Variants in CSMD3 observed in about 807,000 individuals in gnomAD.
CSMD3 encodes the protein CUB and sushi domain-containing protein 3.
CSMD3 carries 177 observed loss-of-function variants against 435.2 expected under a neutral mutation model. The observed-to-expected ratio is 0.41, with a 90% CI of 0.36 to 0.46. The LOEUF (loss-of-function observed/expected upper bound fraction) is 0.46, where lower values mean the gene tolerates loss of function less well. Ranked by LOEUF, CSMD3 falls within the 20% of genes least tolerant of loss-of-function variation. The probability of loss-of-function intolerance (pLI) is 0.34; values close to 1 mark genes in which losing one functional copy is unlikely to be tolerated. For missense variants in CSMD3, 4,265 were observed against 4,504.6 expected (o/e 0.95, Z 1.52); for synonymous variants, 1,656 against 1,520.5 (o/e 1.09, Z -2.07).
intron 69 of CSMD3, among the ~76,000 whole-genome samples, chr8:112,229,436 T>C (rs11782163): frequency 6.6e-6 from 1 of 152,110 alleles, no homozygotes; most frequent in Admixed American, 6.5e-5. Context: ...TTTCTTTTTT[T>C]CTTTTTTCTT....
At chr8:113,068,793 T>C (rs1167966064) in intron 5 of CSMD3, among the ~76,000 whole-genome samples, 1 of 152,120 alleles carries the variant, frequency 6.6e-6, no homozygotes, top group Non-Finnish European at 1.5e-5. Context: ...TGTGTTGATG[T>C]TCTTGCTATT....
chr8:112,798,437 C>A (rs2078879606), intron 13 of CSMD3, among the ~76,000 whole-genome samples: 1 of 151,632 alleles, frequency 6.6e-6, no homozygotes, highest in Admixed American at 6.6e-5. Flanking sequence ...TAATGTGCAG[C>A]AGGTTGGACT....
At chr8:112,395,862 T>C (rs1586184369) in intron 35 of CSMD3, among the ~76,000 whole-genome samples, 2 of 152,314 alleles carry the variant, frequency 1.3e-5, no homozygotes, top group East Asian at 3.9e-4. Context: ...AGTTTTATTT[T>C]TCAGTTTTTC....
chr8:113,081,566 C>T (rs917730510), intron 5 of CSMD3, among the ~76,000 whole-genome samples: 4 of 152,078 alleles, frequency 2.6e-5, no homozygotes, highest in East Asian at 1.9e-4. Context: ...CTTGTGACTG[C>T]GTTGTTCCAG....
rs1424585250 is a variant in CSMD3, at chr8:112,341,600, C to G, written c.6529G>C (p.Val2177Leu). ...TGAGGACCACTAAGCCGGCCAATAA[C>G]AGTACTAGTTTCTGAGGATCCACTT... ...VRSGSSETSTVIGRLSGPQIP... is the reference protein window; with the variant it reads ...VRSGSSETSTLIGRLSGPQIP... The change falls in exon 42 of 71, where the codon GTT (valine) becomes CTT (leucine). Residue 2177 changes from valine (V) to leucine (L), a missense_variant. Around this residue, in one of 3 missense-constraint regions of CSMD3, gnomAD observed 3,255 missense variants for 3,380.2 expected, o/e 0.96. Transcript: ENST00000297405. 6.2e-7 allele frequency: 1 copy of G among 1,613,008 alleles called. No homozygotes were observed. The highest frequency in any genetic ancestry group is 8.5e-7 in the Non-Finnish European group (1 of 1,179,088).
intron 13 of CSMD3, among the ~76,000 whole-genome samples, chr8:112,730,443 T>C (rs113842794): frequency 2.3e-3 from 352 of 152,276 alleles, no homozygotes; most frequent in African/African-American, 8.0e-3. Flanking sequence ...GTGAAGGACA[T>C]AGATGTTAGA....
At chr8:112,509,234 G>A (rs1695878621) in intron 28 of CSMD3, among the ~76,000 whole-genome samples, 1 of 151,956 alleles carries the variant, frequency 6.6e-6, no homozygotes, top group African/African-American at 2.4e-5. Flanking sequence ...GGACTACAGA[G>A]GTGTGCTGCC....
chr8:112,381,617 A>G (rs982620646), intron 37 of CSMD3, among the ~76,000 whole-genome samples: 1 of 152,198 alleles, frequency 6.6e-6, no homozygotes, highest in Non-Finnish European at 1.5e-5. Context: ...GGAAGAACAG[A>G]AAGAATTTAT....
At chr8:112,789,178 A>C (rs1173548825) in intron 13 of CSMD3, among the ~76,000 whole-genome samples, 2 of 152,120 alleles carry the variant, frequency 1.3e-5, no homozygotes, top group East Asian at 1.9e-4. Context: ...ATCAGACAAT[A>C]AGGTATCAAA....
At chr8:112,286,658 A>G (rs1819234899) in intron 58 of CSMD3, among the ~76,000 whole-genome samples, 1 of 152,156 alleles carries the variant, frequency 6.6e-6, no homozygotes, top group African/African-American at 2.4e-5. Flanking sequence ...AAACTTTATT[A>G]CAGGTATGTG....
intron 40 of CSMD3, among the ~76,000 whole-genome samples, chr8:112,348,339 G>A (rs1430967250): frequency 2.6e-5 from 4 of 152,048 alleles, no homozygotes; most frequent in African/African-American, 9.7e-5. Context: ...TTTCATCTTA[G>A]TTGTCTCTAA....
intron 3 of CSMD3, among the ~76,000 whole-genome samples, chr8:113,219,634 AACAAT>A (rs1369413439): frequency 1.3e-5 from 2 of 151,456 alleles, no homozygotes; most frequent in Non-Finnish European, 3.0e-5. Context: ...CTGTTCTTCA[AACAAT>A]ACATCAGAAT....
At chr8:113,390,159 A>G (rs2094455605) in intron 1 of CSMD3, among the ~76,000 whole-genome samples, 1 of 151,802 alleles carries the variant, frequency 6.6e-6, no homozygotes, top group Non-Finnish European at 1.5e-5. Flanking sequence ...CTTTCCACTT[A>G]TAGTGAACTT....
intron 22 of CSMD3, among the ~76,000 whole-genome samples, chr8:112,593,995 G>A (rs1389949104): frequency 6.6e-6 from 1 of 152,108 alleles, no homozygotes; most frequent in East Asian, 1.9e-4. Flanking sequence ...TTAAGTGAAA[G>A]GAATAGTACA....
At chr8:112,258,557 C>A (rs1158207990) in intron 61 of CSMD3, among the ~76,000 whole-genome samples, 3 of 152,300 alleles carry the variant, frequency 2.0e-5, no homozygotes, top group African/African-American at 7.2e-5. Context: ...TAGAGAAATG[C>A]AACTCAAAAC....
intron 32 of CSMD3, among the ~76,000 whole-genome samples, chr8:112,432,232 T>C (rs182452984): frequency 3.0e-3 from 455 of 152,296 alleles, no homozygotes; most frequent in African/African-American, 0.01. Context: ...TGTCATGTTG[T>C]ATTGTTCTTC....
At chr8:112,972,570 AT>A (rs1424786315) in intron 7 of CSMD3, among the ~76,000 whole-genome samples, 2 of 151,906 alleles carry the variant, frequency 1.3e-5, no homozygotes, top group African/African-American at 4.8e-5. Flanking sequence ...TGTTGCCTTT[AT>A]TTAAAAAAAA....
At chr8:112,909,555 T>TA (rs535049676) in intron 10 of CSMD3, among the ~76,000 whole-genome samples, 7 of 151,618 alleles carry the variant, frequency 4.6e-5, no homozygotes, top group African/African-American at 1.5e-4. Context: ...TGACAAACTT[T>TA]AAAAAAAATT....
At chr8:112,366,021 A>C (rs1002272023) in intron 38 of CSMD3, among the ~76,000 whole-genome samples, 6 of 152,206 alleles carry the variant, frequency 3.9e-5, no homozygotes, top group African/African-American at 1.2e-4. Context: ...CAAGACCCTG[A>C]AGCATTTCTT....
Sources: gnomAD v4.1 joint callset for allele counts (sites outside exome capture counted in the v4.1 genomes callset) on GRCh38, gnomAD v4.1.1 for gene constraint, gnomAD v4.1.1 regional missense constraint, MANE v1.5 for transcripts, NCBI Gene and HGNC (gene_info 2026-07-23, HGNC 2026-07-21) for gene names.